Variants in EPHA6 observed in about 807,000 individuals in gnomAD.
EPHA6 encodes the protein ephrin type-A receptor 6.
In EPHA6, 50 loss-of-function variants were observed where a neutral mutation model predicts 112.0. The observed-to-expected ratio is 0.45, with a 90% CI of 0.36 to 0.56. The LOEUF is 0.56. Ranked by LOEUF, EPHA6 falls within the 20% of genes least tolerant of loss-of-function variation. EPHA6 has a pLI of 0.00. For missense variants in EPHA6, 1,280 were observed against 1,417.4 expected (o/e 0.90, Z 1.56); for synonymous variants, 529 against 490.7 (o/e 1.08, Z -1.03).
chr3:96,940,095 A>T (rs1284935558), intron 2 of EPHA6, among the ~76,000 whole-genome samples: 1 of 152,100 alleles, frequency 6.6e-6, no homozygotes, highest in East Asian at 1.9e-4. Flanking sequence ...TCTGGGGTGG[A>T]GAGTTCTGTA....
chr3:97,008,251 T>C (rs1336131778), intron 3 of EPHA6, among the ~76,000 whole-genome samples: 7 of 152,196 alleles, frequency 4.6e-5, no homozygotes, highest in Non-Finnish European at 8.8e-5. Flanking sequence ...CAATCAATCA[T>C]AGGTTCGGTC....
At chr3:97,606,025 A>C (rs951938166) in intron 12 of EPHA6, 1 of 151,464 alleles carries the variant, frequency 6.6e-6, no homozygotes, top group Non-Finnish European at 1.5e-5. Context: ...CTAGAAATTA[A>C]GGTAAAGAAG....
intron 2 of EPHA6, among the ~76,000 whole-genome samples, chr3:96,897,242 A>G (rs1559810669): frequency 6.6e-6 from 1 of 151,186 alleles, no homozygotes; most frequent in Non-Finnish European, 1.5e-5. Context: ...ACACACACAC[A>G]TACTGTTTAT....
intron 6 of EPHA6, among the ~76,000 whole-genome samples, chr3:97,413,009 T>A (rs746129545): frequency 1.3e-5 from 2 of 151,890 alleles, no homozygotes; most frequent in Admixed American, 1.3e-4. Flanking sequence ...TCTTTGCTTT[T>A]CTTTTTTTTA....
At chr3:97,436,358 A>G (rs943302149) in intron 6 of EPHA6, among the ~76,000 whole-genome samples, 1 of 152,212 alleles carries the variant, frequency 6.6e-6, no homozygotes, top group Admixed American at 6.5e-5. Context: ...CAAAACAAAT[A>G]TATTGGTATC....
chr3:97,384,490 C>T (rs2085942284), intron 5 of EPHA6, among the ~76,000 whole-genome samples: 1 of 152,164 alleles, frequency 6.6e-6, no homozygotes, highest in Non-Finnish European at 1.5e-5. Context: ...TAGCTTTAGC[C>T]TGTCAATGGT....
intron 3 of EPHA6, among the ~76,000 whole-genome samples, chr3:97,041,524 A>G (rs2045315046): frequency 1.3e-5 from 2 of 152,100 alleles, no homozygotes; most frequent in African/African-American, 4.8e-5. Flanking sequence ...CTGCTCCAAA[A>G]TCCACATATT....
chr3:97,572,859 TAAG>T (rs2093347996), intron 11 of EPHA6: 1 of 152,130 alleles, frequency 6.6e-6, no homozygotes, highest in Non-Finnish European at 1.5e-5. Context: ...ATTCTCCAAA[TAAG>T]GAAATTTAAA....
In EPHA6 at chr3:97,243,912, C is replaced by T. The variant is rs751700923; in HGVS notation, c.1271-40C>T. ...TCATTTTAGCGCCATAATTCATTGT[C>T]CTATATATGTACATTTGTTTTTTAA... is the stretch of plus-strand genomic sequence containing the variant. On this transcript the variant is annotated intron_variant, in intron 4 of 17. Coordinates refer to ENST00000389672, the MANE Select transcript of EPHA6 (RefSeq NM_001080448.3). 3.5e-6 allele frequency: 5 copies of T among 1,433,824 alleles called. No homozygotes were observed. In the South Asian group the frequency reaches 6.7e-5, roughly 19 times the overall value. 88.8% of individuals were successfully genotyped at this position (1,433,824 alleles called of 1,614,324 possible). A position where few individuals can be genotyped will look rare whatever the true frequency, so the allele number is the denominator to read the frequency against.
intron 3 of EPHA6, among the ~76,000 whole-genome samples, chr3:97,069,551 T>C (rs933361872): frequency 2.6e-5 from 4 of 152,158 alleles, no homozygotes; most frequent in Non-Finnish European, 4.4e-5. Context: ...AATTTACTTC[T>C]AGAAATTTTA....
intron 2 of EPHA6, among the ~76,000 whole-genome samples, chr3:96,904,906 A>T (rs1440448913): frequency 6.6e-6 from 1 of 152,142 alleles, no homozygotes; most frequent in Non-Finnish European, 1.5e-5. Flanking sequence ...TTGTAAACGG[A>T]CAACACTGGT....
Position 97,723,238 on chromosome 3 carries a change from C to A in EPHA6, c.2934+2828C>A, listed in dbSNP as rs78834231. 9.4e-3 allele frequency among the ~76,000 whole-genome samples: 1,438 copies of A among 152,232 alleles called. 20 individuals carry two copies. The highest frequency in any genetic ancestry group is 0.033 in the African/African-American group (1,372 of 41,530). ...CAAGACAGATTTTTTAGGAGAGCAG[C>A]TTTTGCCCAAATGTGTAGTTTTCAA... is the stretch of plus-strand genomic sequence containing the variant. On this transcript the variant is annotated intron_variant, in intron 15 of 17. Coordinates refer to ENST00000389672, the MANE Select transcript of EPHA6 (RefSeq NM_001080448.3).
chr3:97,590,281 G>C (rs2093530928), intron 11 of EPHA6: 2 of 152,074 alleles, frequency 1.3e-5, no homozygotes, highest in South Asian at 4.1e-4. Context: ...TTTACCCATG[G>C]TAAAGAAACA....
intron 1 of EPHA6, among the ~76,000 whole-genome samples, chr3:96,853,790 C>A (rs537422909): frequency 1.3e-5 from 2 of 151,516 alleles, no homozygotes; most frequent in Non-Finnish European, 2.9e-5. Flanking sequence ...GTGGCTTTGT[C>A]AGTGCTTTGA....
At chr3:97,728,838 A>C (rs2034900630) in intron 15 of EPHA6, among the ~76,000 whole-genome samples, 3 of 152,162 alleles carry the variant, frequency 2.0e-5, no homozygotes. Flanking sequence ...AACTGTTAGC[A>C]ACAAAGATTT....
At chr3:97,649,077 G>T (rs76117164) in intron 14 of EPHA6, among the ~76,000 whole-genome samples, 5 of 152,052 alleles carry the variant, frequency 3.3e-5, no homozygotes, top group African/African-American at 1.2e-4. Flanking sequence ...GAAACCAACC[G>T]TGTTAGTCTG....
At position 97,599,406 on chromosome 3, in the gene EPHA6, C is replaced by T. The variant is rs1187332700; in HGVS notation, c.2512+6669C>T. 1.2e-4 allele frequency among the ~76,000 whole-genome samples: 18 copies of T among 145,186 alleles called. No homozygotes were observed. The South Asian group carries it at 1.8e-3, about 15-fold the overall frequency. ...AGGGTTTTTATGGTTTTAGGTCTAA[C>T]GTTTAAATCTTTAATCCATCTTGAA... On this transcript the variant is annotated intron_variant, in intron 12 of 17. Coordinates refer to ENST00000389672, the MANE Select transcript of EPHA6 (RefSeq NM_001080448.3).
At chr3:97,185,602 T>G (rs2077104944) in intron 3 of EPHA6, among the ~76,000 whole-genome samples, 1 of 152,050 alleles carries the variant, frequency 6.6e-6, no homozygotes, top group Admixed American at 6.6e-5. Flanking sequence ...GGAACACTTT[T>G]ACACTGTTGG....
At chr3:97,244,533 G>T (rs963255656) in intron 5 of EPHA6, 30 of 490,324 alleles carry the variant, frequency 6.1e-5, no homozygotes, top group Admixed American at 1.1e-4. Flanking sequence ...CATGTATTTT[G>T]TATAATCATA....
Sources: gnomAD v4.1 joint callset for allele counts (sites outside exome capture counted in the v4.1 genomes callset) on GRCh38, gnomAD v4.1.1 for gene constraint, MANE v1.5 for transcripts, NCBI Gene and HGNC (gene_info 2026-07-23, HGNC 2026-07-21) for gene names.